The following SPAG9 variants were observed in gnomAD, a reference collection of about 807,000 sequenced individuals.
The protein encoded by SPAG9 is C-Jun-amino-terminal kinase-interacting protein 4.
Under a neutral mutation model 166.5 loss-of-function variants are expected in SPAG9, and 35 were observed. The ratio of observed to expected loss-of-function variants is 0.21; its 90% CI spans 0.16 to 0.28. SPAG9 has a LOEUF of 0.28. Among genes scored for constraint, SPAG9 ranks in the 10% least tolerant of loss-of-function variants. The pLI is 1.00. For synonymous variants in SPAG9, 534 were observed against 565.5 expected (o/e 0.94, Z 0.79); for missense variants, 1,235 against 1,603.3 (o/e 0.77, Z 3.92).
At chr17:51,113,347 C>T (rs2049178050) in intron 1 of SPAG9, among the ~76,000 whole-genome samples, 1 of 118,220 alleles carries the variant, frequency 8.5e-6, no homozygotes, top group Non-Finnish European at 1.7e-5. Flanking sequence ...GTGTGAAATG[C>T]CATATCAAAA....
chr17:51,072,401 G>C (rs2047845820), intron 2 of SPAG9, among the ~76,000 whole-genome samples: 1 of 149,788 alleles, frequency 6.7e-6, no homozygotes, highest in Admixed American at 6.7e-5. Flanking sequence ...CAAAAAATCA[G>C]GCTAGGTATG....
intron 5 of SPAG9, among the ~76,000 whole-genome samples, chr17:51,035,936 C>T (rs1397666468): frequency 1.3e-5 from 2 of 152,000 alleles, no homozygotes; most frequent in Non-Finnish European, 2.9e-5. Context: ...TTTCATGATG[C>T]TTTCTAGGCC....
intron 6 of SPAG9, 108 bp downstream of exon 6, chr17:51,031,573 T>C: frequency 1.2e-6 from 1 of 814,850 alleles, no homozygotes. Flanking sequence ...ACAACAATAG[T>C]CTTCCAAGCT....
At chr17:50,982,034 G>GA (rs896339872) in intron 25 of SPAG9, among the ~76,000 whole-genome samples, 86 of 130,408 alleles carry the variant, frequency 6.6e-4, no homozygotes, top group South Asian at 7.2e-4. Flanking sequence ...CTCTGTCTCA[G>GA]AAAAAAAAAA....
At chr17:51,004,466 G>C (rs185734871) in intron 12 of SPAG9, among the ~76,000 whole-genome samples, 1 of 152,106 alleles carries the variant, frequency 6.6e-6, no homozygotes, top group Non-Finnish European at 1.5e-5. Context: ...GGCTGGGCTG[G>C]GTGGCTCACA....
At position 51,120,164 on chromosome 17, in the gene SPAG9, G is replaced by A. The variant is rs1324530102; in HGVS notation, c.303+190C>T. Among the ~76,000 whole-genome samples, 1 of 152,210 alleles carries A rather than the reference G, an allele frequency of 6.6e-6. No individual in the cohort carries two copies. Among genetic ancestry groups the A allele is most frequent in the African/African-American group, 2.4e-5 (1 of 41,450 alleles). On this transcript the variant is annotated intron_variant, in intron 1 of 29. Coordinates refer to ENST00000262013, the MANE Select transcript of SPAG9 (RefSeq NM_001130528.3). This position sits in a 1 kb window ranked among gnomAD's most constrained non-coding sequence, Gnocchi z 4.7. ...CCCTTCCCAGGACACTCAGTAGCCG[G>A]CCTCGGCTTCCAACGCCGGCCTGGC...
At chr17:51,095,918 T>TATAGTG (rs1270861421) in intron 1 of SPAG9, among the ~76,000 whole-genome samples, 1 of 141,228 alleles carries the variant, frequency 7.1e-6, no homozygotes, top group East Asian at 2.0e-4. Context: ...TAGTGATATA[T>TATAGTG]ATATAGTGAT....
Position 50,985,759 on chromosome 17 carries a change from C to T in SPAG9, c.2959G>A (p.Val987Ile), listed in dbSNP as rs764359906. ...TGGAGACATTTCCTCCACTGGGCTA[C>T]AGATGAATGGACATACAAACTGTAA... ...QNGCLYVHSS[V>I]AQWRKCLHSI... Residue 987 changes from valine (V) to isoleucine (I), a missense_variant, in exon 23 of 30, where the codon GTA becomes ATA. Physicochemically the swap from Val to Ile is conservative, Grantham distance 29 (BLOSUM62 3). This residue lies in a region of SPAG9 where 493 missense variants were observed against 559.4 expected (regional missense o/e 0.88). Transcript: ENST00000262013. 4 of 1,604,966 alleles carry T rather than the reference C, an allele frequency of 2.5e-6. No individual in the cohort carries two copies. The highest frequency in any genetic ancestry group is 1.1e-5 in the South Asian group (1 of 90,668).
chr17:51,110,345 G>T (rs1011373854), intron 1 of SPAG9, among the ~76,000 whole-genome samples: 1 of 151,642 alleles, frequency 6.6e-6, no homozygotes, highest in African/African-American at 2.4e-5. Context: ...TAAAAAGCTG[G>T]GAGGGGTGGT....
In SPAG9 at chr17:50,964,311, GGCGCGGGGGCTCACGCCTGTAA is replaced by G. The variant is rs1319332589; in HGVS notation, c.*1939_*1960del. 1 of 152,196 alleles carries G rather than the reference GGCGCGGGGGCTCACGCCTGTAA, an allele frequency of 6.6e-6. No homozygotes were observed. Among genetic ancestry groups the G allele is most frequent in the Non-Finnish European group, 1.5e-5 (1 of 68,060 alleles). 9.4% of individuals were successfully genotyped at this position (152,196 alleles called of 1,614,324 possible). ...ATTACATTTAGCTTTGCTTCGGACC[GGCGCGGGGGCTCACGCCTGTAA>G]TTCAAGCACTTCGGGAGGCCAAGGC... On this transcript the variant is annotated 3_prime_UTR_variant, in exon 30 of 30. Transcript: ENST00000262013.
intron 12 of SPAG9, among the ~76,000 whole-genome samples, chr17:51,004,332 T>A (rs1157565063): frequency 1.3e-5 from 2 of 152,224 alleles, no homozygotes; most frequent in Non-Finnish European, 2.9e-5. Flanking sequence ...TTTGTGTGTA[T>A]CATTACATAA....
At chr17:51,087,978 C>A (rs558506946) in intron 1 of SPAG9, among the ~76,000 whole-genome samples, 7 of 152,310 alleles carry the variant, frequency 4.6e-5, no homozygotes, top group African/African-American at 1.7e-4. Context: ...TTCCTGAGCT[C>A]AAGCGATCCT....
Position 50,964,582 on chromosome 17 carries a change from C to G in SPAG9, c.*1690G>C, listed in dbSNP as rs1193577311. On this transcript the variant is annotated 3_prime_UTR_variant, in exon 30 of 30. Coordinates refer to ENST00000262013, the MANE Select transcript of SPAG9 (RefSeq NM_001130528.3). ...CAGCCTGGGCAACAGAGCCAGACTC[C>G]GTCTCAAAAAAAAAAAAAAAAATCA... 6 of 213,532 alleles carry G rather than the reference C, an allele frequency of 2.8e-5. No homozygotes were observed. The highest frequency in any genetic ancestry group is 4.4e-5 in the African/African-American group (1 of 22,504). The allele number at this position is 213,532 out of a possible 1,614,324, so 13.2% of individuals were successfully genotyped here. A position where few individuals can be genotyped will look rare whatever the true frequency, so the allele number is the denominator to read the frequency against.
chr17:51,103,501 G>A (rs9894096), intron 1 of SPAG9, among the ~76,000 whole-genome samples: 84,861 of 152,060 alleles, frequency 0.56, 24,463 homozygotes, highest in African/African-American at 0.66. Flanking sequence ...CTGGAGAGAG[G>A]ATACTTTTTA....
intron 1 of SPAG9, among the ~76,000 whole-genome samples, chr17:51,104,239 C>T (rs2048879466): frequency 6.6e-6 from 1 of 152,120 alleles, no homozygotes; most frequent in South Asian, 2.1e-4. Flanking sequence ...GAGATCTGGC[C>T]TTAAAGTAGG....
At chr17:51,024,123 C>T (rs1003014337) in intron 6 of SPAG9, among the ~76,000 whole-genome samples, 5 of 151,890 alleles carry the variant, frequency 3.3e-5, no homozygotes, top group South Asian at 2.1e-4. Flanking sequence ...TGGCGAAACC[C>T]GTAATCTACT....
intron 1 of SPAG9, among the ~76,000 whole-genome samples, chr17:51,100,313 T>TTAAA (rs2048773298): frequency 1.3e-5 from 2 of 149,696 alleles, no homozygotes; most frequent in South Asian, 4.2e-4. Flanking sequence ...TTTTAAAGAG[T>TTAAA]TAAAACTAGG....
rs1226102241 is a variant in SPAG9, at chr17:50,970,728, C to T, written c.3829G>A (p.Gly1277Ser). 1 of 1,613,916 alleles carries T rather than the reference C, an allele frequency of 6.2e-7. No individual in the cohort carries two copies. Among genetic ancestry groups the T allele is most frequent in the Non-Finnish European group, 8.5e-7 (1 of 1,179,918 alleles). The change falls in exon 29 of 30, where the codon GGC becomes AGC. Residue 1277 changes from glycine to serine, a missense_variant. By Grantham distance (56) the Gly-to-Ser change is moderately conservative. Coordinates refer to ENST00000262013, the MANE Select transcript of SPAG9 (RefSeq NM_001130528.3). ...ATACCCATTCGGAAGTCGATGTAGC[C>T]CTCTCCTCCACTGATGACAAGCATA... ...KSMLVISGGE[G>S]YIDFRMGDEG... is the part of the protein sequence containing the mutation.
chr17:51,047,412 T>C lies in SPAG9; in HGVS notation c.553A>G (p.Ser185Gly). 1 of 1,595,728 alleles carries C rather than the reference T, an allele frequency of 6.3e-7. No individual in the cohort carries two copies. Among genetic ancestry groups the C allele is most frequent in the South Asian group, 1.1e-5 (1 of 89,236 alleles). The change falls in exon 4 of 30, where the codon AGT (serine) becomes GGT (glycine). Residue 185 changes from serine to glycine, a missense_variant. Transcript: ENST00000262013. ...TGAGCTGTGGATTCTAGTTGATCACTCCCTGAGAGCTGATGAAGTTTTGTT... is the reference window on the plus strand; with the variant it reads ...TGAGCTGTGGATTCTAGTTGATCACCCCCTGAGAGCTGATGAAGTTTTGTT... ...ERTKLHQLSGSDQLESTAHSR... is the reference protein window; with the variant it reads ...ERTKLHQLSGGDQLESTAHSR...
Sources: allele counts gnomAD v4.1 joint callset (sites outside exome capture counted in the v4.1 genomes callset), GRCh38; gene constraint gnomAD v4.1.1; regional missense constraint gnomAD v4.1.1; non-coding constraint Gnocchi (gnomAD v3.1); transcripts MANE v1.5; gene names NCBI Gene and HGNC (gene_info 2026-07-23, HGNC 2026-07-21).